Variants in ZDHHC2 observed in about 807,000 individuals in gnomAD.
ZDHHC2 encodes palmitoyltransferase ZDHHC2.
In ZDHHC2, 51 loss-of-function variants were observed where a neutral mutation model predicts 55.6. That is an observed-to-expected ratio of 0.92 (90% CI 0.73 to 1.16). The LOEUF is 1.16. ZDHHC2 is among the 50% of genes most tolerant of loss of function. ZDHHC2 has a pLI of 0.00. For synonymous variants in ZDHHC2, 199 were observed against 152.9 expected, an observed-to-expected ratio of 1.30 and a Z score of -2.22; for missense variants, 491 against 442.4, an observed-to-expected ratio of 1.11 and a Z score of -0.99.
rs965681986 is a variant in ZDHHC2, at chr8:17,224,015, C to G, written c.*3794C>G. 3 of 151,482 alleles carry G rather than the reference C, an allele frequency of 2.0e-5. No individual in the cohort carries two copies. The highest frequency in any genetic ancestry group is 7.3e-5 in the African/African-American group (3 of 41,268). 9.4% of individuals were successfully genotyped at this position (151,482 alleles called of 1,614,324 possible). On this transcript the variant is annotated 3_prime_UTR_variant, in exon 13 of 13. Coordinates refer to ENST00000262096, the MANE Select transcript of ZDHHC2 (RefSeq NM_016353.5). ...ACAATGTTGAGTGTTTCAGGAGACT[C>G]TGAAACAGGGCACCCATTTTTTTTT...
intron 6 of ZDHHC2, among the ~76,000 whole-genome samples, chr8:17,199,426 TACA>T (rs1376672302): frequency 4.0e-5 from 6 of 150,878 alleles, no homozygotes; most frequent in African/African-American, 1.2e-4. Flanking sequence ...TGGTTTTTTT[TACA>T]ACAAGTGTTC....
intron 6 of ZDHHC2, among the ~76,000 whole-genome samples, chr8:17,201,511 T>TTTTTTTA (rs1806767845): frequency 8.7e-6 from 1 of 114,576 alleles, no homozygotes; most frequent in South Asian, 3.2e-4. Flanking sequence ...TTTTTTTTTT[T>TTTTTTTA]AGATGGAGTC....
chr8:17,192,680 A>T (rs1270069519), intron 3 of ZDHHC2, among the ~76,000 whole-genome samples: 3 of 152,152 alleles, frequency 2.0e-5, no homozygotes, highest in Admixed American at 6.5e-5. Flanking sequence ...GTGAGGTATG[A>T]TTCAAGAAAT....
chr8:17,176,109 A>G lies in ZDHHC2; in HGVS notation c.131-8680A>G, dbSNP rs530249001. On this transcript the variant is annotated intron_variant, in intron 1 of 12. Transcript: ENST00000262096. ...AGTGCAGAGCCTTGGGAGGGTTCTT[A>G]GTGAGATGATATCACTGAATTGCAT... Among the ~76,000 whole-genome samples, 8 of 152,302 alleles carry G rather than the reference A, an allele frequency of 5.3e-5. No homozygotes were observed. The South Asian group carries it at 1.2e-3, about 24-fold the overall frequency.
Position 17,156,630 on chromosome 8 carries a change from G to T in ZDHHC2, c.-94G>T, listed in dbSNP as rs1278304692. 7 of 1,010,910 alleles carry T rather than the reference G, an allele frequency of 6.9e-6. No homozygotes were observed. The highest frequency in any genetic ancestry group is 8.4e-6 in the Non-Finnish European group (7 of 832,106). 62.6% of individuals were successfully genotyped at this position (1,010,910 alleles called of 1,614,324 possible). On this transcript the variant is annotated 5_prime_UTR_variant, in exon 1 of 13. Coordinates refer to ENST00000262096, the MANE Select transcript of ZDHHC2 (RefSeq NM_016353.5). The stretch of plus-strand genomic sequence containing the variant: ...CAGCGCACCCCGCCGCCGCCCAGGA[G>T]CCCGTCCAGCCAGGGGTGCCGGGCC...
At chr8:17,196,393 A>T (rs1216624646) in intron 4 of ZDHHC2, among the ~76,000 whole-genome samples, 1 of 151,934 alleles carries the variant, frequency 6.6e-6, no homozygotes, top group Non-Finnish European at 1.5e-5. Flanking sequence ...AATATATATA[A>T]AATATCTCAT....
intron 3 of ZDHHC2, among the ~76,000 whole-genome samples, chr8:17,189,262 C>G (rs1805898537): frequency 2.0e-5 from 3 of 151,310 alleles, no homozygotes; most frequent in South Asian, 2.1e-4. Flanking sequence ...TTGAGGCTGT[C>G]TGTGATGACT....
chr8:17,192,845 A>T (rs1009622938), intron 3 of ZDHHC2, among the ~76,000 whole-genome samples: 2 of 152,188 alleles, frequency 1.3e-5, no homozygotes, highest in African/African-American at 4.8e-5. Context: ...ATGGATATCT[A>T]GTTTCCCCAG....
At chr8:17,185,552 C>G (rs1805665164) in intron 2 of ZDHHC2, among the ~76,000 whole-genome samples, 1 of 151,880 alleles carries the variant, frequency 6.6e-6, no homozygotes, top group African/African-American at 2.4e-5. Context: ...TGCCTGTAAT[C>G]CCAGCCACTC....
At chr8:17,180,121 G>T (rs931950234) in intron 1 of ZDHHC2, among the ~76,000 whole-genome samples, 2 of 152,150 alleles carry the variant, frequency 1.3e-5, no homozygotes, top group African/African-American at 4.8e-5. Context: ...GGAATAAACT[G>T]CACCTAACTT....
intron 1 of ZDHHC2, among the ~76,000 whole-genome samples, chr8:17,180,726 A>C (rs1249040356): frequency 1.3e-5 from 2 of 152,238 alleles, no homozygotes; most frequent in Non-Finnish European, 2.9e-5. Context: ...TAGCTTATGT[A>C]AGCCAGCAAG....
In ZDHHC2 at chr8:17,195,604, A is replaced by G. The variant is rs1407174569; in HGVS notation, c.353A>G (p.Tyr118Cys). Residue 118 changes from tyrosine (Y) to cysteine (C), a missense_variant, in exon 4 of 13, where the codon TAT becomes TGT. Physicochemically the swap from Tyr to Cys is radical, Grantham distance 194. Transcript: ENST00000262096. ...LRRAAKDLPIYTRTMSGAIRY... is the reference protein window; with the variant it reads ...LRRAAKDLPICTRTMSGAIRY... ...CGAGCAGCCAAGGATCTTCCCATCTATACCAGGACCATGTCTGGAGGTAAA... is the reference window on the plus strand; with the variant it reads ...CGAGCAGCCAAGGATCTTCCCATCTGTACCAGGACCATGTCTGGAGGTAAA... 1.2e-6 allele frequency: 2 copies of G among 1,613,810 alleles called. No homozygotes were observed. The highest frequency in any genetic ancestry group is 8.5e-7 in the Non-Finnish European group (1 of 1,179,824).
chr8:17,167,265 A>G (rs1427224345), intron 1 of ZDHHC2, among the ~76,000 whole-genome samples: 1 of 150,756 alleles, frequency 6.6e-6, no homozygotes, highest in Non-Finnish European at 1.5e-5. Context: ...TTGATCATCC[A>G]GATGTTTATA....
chr8:17,176,745 G>A (rs1418702412), intron 1 of ZDHHC2, among the ~76,000 whole-genome samples: 13 of 152,018 alleles, frequency 8.6e-5, no homozygotes, highest in Admixed American at 8.5e-4. Context: ...AAAGACGTGT[G>A]AGGTGAGTTT....
intron 1 of ZDHHC2, among the ~76,000 whole-genome samples, chr8:17,168,038 C>G (rs1418476369): frequency 6.6e-6 from 1 of 152,130 alleles, no homozygotes; most frequent in East Asian, 1.9e-4. Context: ...TCCCAGCCTT[C>G]TTAGAGTATA....
chr8:17,221,745 A>G lies in ZDHHC2; in HGVS notation c.*1524A>G, dbSNP rs994747724. 8 of 152,536 alleles carry G rather than the reference A, an allele frequency of 5.2e-5. No individual in the cohort carries two copies. Among genetic ancestry groups the G allele is most frequent in the Non-Finnish European group, 1.2e-4 (8 of 67,934 alleles). The allele number at this position is 152,536 out of a possible 1,614,324, so 9.4% of individuals were successfully genotyped here. A position where few individuals can be genotyped will look rare whatever the true frequency, so the allele number is the denominator to read the frequency against. On this transcript the variant is annotated 3_prime_UTR_variant, in exon 13 of 13. Coordinates refer to ENST00000262096, the MANE Select transcript of ZDHHC2 (RefSeq NM_016353.5). ...TAGTTTGAGTGCAATTCTTTGAACAATAGAAATATCTGCAGTCTTTCACAG... is the reference window on the plus strand; with the variant it reads ...TAGTTTGAGTGCAATTCTTTGAACAGTAGAAATATCTGCAGTCTTTCACAG...
chr8:17,203,063 C>CCTT (rs374084141), intron 6 of ZDHHC2, among the ~76,000 whole-genome samples: 34 of 126,816 alleles, frequency 2.7e-4, no homozygotes, highest in African/African-American at 9.7e-4. Context: ...TGTCCAAAGT[C>CCTT]TTTTTTTTTT....
chr8:17,200,092 T>A (rs1032306059), intron 6 of ZDHHC2, among the ~76,000 whole-genome samples: 5 of 152,256 alleles, frequency 3.3e-5, no homozygotes, highest in East Asian at 1.9e-4. Flanking sequence ...ATTTGTTGAC[T>A]TCCCCTGCAG....
At chr8:17,166,693 C>T (rs866494616) in intron 1 of ZDHHC2, among the ~76,000 whole-genome samples, 1 of 151,990 alleles carries the variant, frequency 6.6e-6, no homozygotes, top group South Asian at 2.1e-4. Context: ...AGAAGGAGCG[C>T]CCAATGAAGG....
Sources: gnomAD v4.1 joint callset for allele counts (sites outside exome capture counted in the v4.1 genomes callset) on GRCh38, gnomAD v4.1.1 for gene constraint, MANE v1.5 for transcripts, NCBI Gene and HGNC (gene_info 2026-07-23, HGNC 2026-07-21) for gene names.